The following CAPN5 variants were observed in gnomAD, a reference collection of about 807,000 sequenced individuals.
CAPN5 encodes calpain 5.
A neutral mutation model predicts 73.0 loss-of-function variants in CAPN5; 54 were observed. The observed-to-expected ratio is 0.74, with a 90% CI of 0.59 to 0.93. CAPN5 has a LOEUF of 0.93. Among genes scored for constraint, CAPN5 ranks in the 40% least tolerant of loss-of-function variants. The pLI is 0.00. For missense variants in CAPN5, 785 were observed against 882.9 expected (o/e 0.89, Z 1.41); for synonymous variants, 335 against 356.9 (o/e 0.94, Z 0.69).
intron 3 of CAPN5, among the ~76,000 whole-genome samples, chr11:77,111,204 T>C (rs1950407117): frequency 6.6e-6 from 1 of 152,094 alleles, no homozygotes; most frequent in African/African-American, 2.4e-5. Flanking sequence ...CCTCCTCCTC[T>C]CCCCAGACTG....
At chr11:77,119,285 G>A in intron 9 of CAPN5, 133 bp downstream of exon 9, 2 of 1,019,138 alleles carry the variant, frequency 2.0e-6, no homozygotes, top group Non-Finnish European at 2.8e-6. Context: ...GGCAGACATT[G>A]TGAGGATGCC....
intron 1 of CAPN5, among the ~76,000 whole-genome samples, chr11:77,083,072 G>A (rs1950044013): frequency 6.6e-6 from 1 of 152,180 alleles, no homozygotes; most frequent in Non-Finnish European, 1.5e-5. Flanking sequence ...AAGGCAGGGA[G>A]AATGGGTGGG....
chr11:77,077,260 G>A (rs932833657), intron 1 of CAPN5, among the ~76,000 whole-genome samples: 1 of 152,246 alleles, frequency 6.6e-6, no homozygotes, highest in Middle Eastern at 3.4e-3. Context: ...GGGATGCTGA[G>A]GCAGGAGAAT....
rs1555040979 is a variant in CAPN5, at chr11:77,112,722, A to G, written c.431A>G (p.Asn144Ser). ...ATCGATGACCGGCTGCCCACAGTCA[A>G]CAACCAGCTCATCTACTGCCACTCC... is the stretch of plus-strand genomic sequence containing the variant. ...VVIDDRLPTVNNQLIYCHSNS... is the reference protein window; with the variant it reads ...VVIDDRLPTVSNQLIYCHSNS... The change falls in exon 4 of 13, where the codon AAC becomes AGC. Residue 144 changes from asparagine (N) to serine (S), a missense_variant. By Grantham distance (46) the Asn-to-Ser change is conservative (BLOSUM62 1). Transcript: ENST00000648180. The G allele has an allele frequency of 1.2e-6, 2 of 1,614,234 alleles. No homozygotes were observed. Among genetic ancestry groups the G allele is most frequent in the Admixed American group, 3.3e-5 (2 of 60,036 alleles).
chr11:77,113,921 C>G (rs943822282), intron 4 of CAPN5, among the ~76,000 whole-genome samples: 1 of 152,178 alleles, frequency 6.6e-6, no homozygotes, highest in Non-Finnish European at 1.5e-5. Context: ...CTCATCATTC[C>G]CAGCAGGAGG....
intron 7 of CAPN5, among the ~76,000 whole-genome samples, chr11:77,117,326 T>C (rs1950478672): frequency 6.6e-6 from 1 of 152,204 alleles, no homozygotes; most frequent in Non-Finnish European, 1.5e-5. Flanking sequence ...AGGCTCAGTG[T>C]CACCCTTCAG....
At chr11:77,119,006 C>T (rs781969773) in intron 8 of CAPN5, 24 bp from the exon 9 acceptor site, 4 of 1,598,532 alleles carry the variant, frequency 2.5e-6, no homozygotes, top group South Asian at 2.3e-5. Flanking sequence ...CAGTGTCTCT[C>T]TCTCTCCTTG....
At chr11:77,113,379 A>G (rs1489152215) in intron 4 of CAPN5, among the ~76,000 whole-genome samples, 3 of 152,164 alleles carry the variant, frequency 2.0e-5, no homozygotes, top group Non-Finnish European at 4.4e-5. Context: ...GCTGTGGGGA[A>G]CCCTGGGGAA....
intron 2 of CAPN5, among the ~76,000 whole-genome samples, chr11:77,090,988 C>G (rs1225396784): frequency 6.6e-6 from 1 of 152,200 alleles, no homozygotes; most frequent in African/African-American, 2.4e-5. Flanking sequence ...GACCTGTGCT[C>G]TGCAGAAGCC....
chr11:77,092,494 C>T (rs754671686), intron 2 of CAPN5, among the ~76,000 whole-genome samples: 17 of 152,244 alleles, frequency 1.1e-4, no homozygotes, highest in Non-Finnish European at 2.2e-4. Context: ...GCACCTGGTA[C>T]TGGAGCCCCC....
chr11:77,102,820 G>A, intron 3 of CAPN5: 1 of 1,545,792 alleles, frequency 6.5e-7, no homozygotes, highest in Non-Finnish European at 8.7e-7. Flanking sequence ...CTTGGCGTTG[G>A]TGGCAGCAGC....
chr11:77,093,881 G>A (rs1400433914), intron 3 of CAPN5, 68 bp downstream of exon 3: 1 of 1,573,444 alleles, frequency 6.4e-7, no homozygotes, highest in Non-Finnish European at 8.6e-7. Flanking sequence ...CTCACTGCCA[G>A]ACAGGCGGAA....
At chr11:77,068,655 AG>A (rs2135400938) in intron 1 of CAPN5, among the ~76,000 whole-genome samples, 1 of 152,272 alleles carries the variant, frequency 6.6e-6, no homozygotes, top group African/African-American at 2.4e-5. Context: ...GAGGGCTATA[AG>A]GAGGAGGCCA....
intron 1 of CAPN5, among the ~76,000 whole-genome samples, chr11:77,071,958 C>T (rs1303637802): frequency 6.6e-6 from 1 of 152,218 alleles, no homozygotes; most frequent in African/African-American, 2.4e-5. Context: ...AGTCTCCTTT[C>T]CCTCCTCATG....
chr11:77,073,144 T>G (rs1555033382), intron 1 of CAPN5: 3 of 1,286,358 alleles, frequency 2.3e-6, no homozygotes, highest in South Asian at 2.5e-5. Flanking sequence ...CGAGGTAGGG[T>G]GGCCACCGCA....
chr11:77,075,500 A>C (rs1365159994), intron 1 of CAPN5, among the ~76,000 whole-genome samples: 2 of 152,282 alleles, frequency 1.3e-5, no homozygotes, highest in East Asian at 1.9e-4. Flanking sequence ...GACAAAGGCT[A>C]GTGCTCGGAC....
intron 7 of CAPN5, among the ~76,000 whole-genome samples, chr11:77,117,442 G>A (rs1169331252): frequency 2.0e-5 from 3 of 152,172 alleles, no homozygotes; most frequent in Non-Finnish European, 4.4e-5. Context: ...GATGGCAGTG[G>A]TCCTGGCACC....
intron 3 of CAPN5, among the ~76,000 whole-genome samples, chr11:77,096,390 C>G (rs964553050): frequency 6.6e-6 from 1 of 152,178 alleles, no homozygotes; most frequent in Non-Finnish European, 1.5e-5. Flanking sequence ...TGCCCAGGGT[C>G]GTGGAGGATT....
intron 3 of CAPN5, among the ~76,000 whole-genome samples, chr11:77,112,040 TG>T (rs1388502075): frequency 2.6e-5 from 4 of 152,048 alleles, no homozygotes; most frequent in Admixed American, 2.6e-4. Flanking sequence ...GGTTGGTCTA[TG>T]TGGGGCGAGA....
Sources: allele counts gnomAD v4.1 joint callset (sites outside exome capture counted in the v4.1 genomes callset), GRCh38; gene constraint gnomAD v4.1.1; transcripts MANE v1.5; gene names NCBI Gene and HGNC (gene_info 2026-07-23, HGNC 2026-07-21).